CDH6: variants seen among roughly 807,000 people sequenced by gnomAD.
CDH6 encodes cadherin 6.
Under a neutral mutation model 78.0 loss-of-function variants are expected in CDH6, and 31 were observed. That is an observed-to-expected ratio of 0.40 (90% confidence interval 0.30 to 0.54). The LOEUF is 0.54. CDH6 is among the 20% of genes least tolerant of loss of function. The probability of loss-of-function intolerance (pLI) is 0.56; values close to 1 mark genes in which losing one functional copy is unlikely to be tolerated. For synonymous variants in CDH6, 376 were observed against 368.8 expected (o/e 1.02, Z -0.23); for missense variants, 724 against 975.9 (o/e 0.74, Z 3.44).
chr5:31,206,038 A>G (rs1740508097), intron 1 of CDH6, among the ~76,000 whole-genome samples: 1 of 152,166 alleles, frequency 6.6e-6, no homozygotes, highest in Non-Finnish European at 1.5e-5. Flanking sequence ...CTAAAATTCA[A>G]TCGTGGCACC....
chr5:31,198,358 G>A (rs1039048665), intron 1 of CDH6, among the ~76,000 whole-genome samples: 11 of 152,144 alleles, frequency 7.2e-5, no homozygotes, highest in Admixed American at 5.2e-4. Flanking sequence ...TTTCATTAAT[G>A]CCAGAGTGTT....
intron 1 of CDH6, among the ~76,000 whole-genome samples, chr5:31,211,042 A>C (rs189242834): frequency 2.0e-5 from 3 of 152,226 alleles, no homozygotes; most frequent in African/African-American, 7.2e-5. Context: ...TATTTGAAGG[A>C]CCTCTGTTCC....
chr5:31,309,867 TCTG>T (rs1322679212), intron 7 of CDH6, among the ~76,000 whole-genome samples: 1 of 152,100 alleles, frequency 6.6e-6, no homozygotes, highest in Non-Finnish European at 1.5e-5. Flanking sequence ...AAGGGGGAAG[TCTG>T]CCCCATGATT....
chr5:31,224,799 G>T (rs139316629), intron 1 of CDH6, among the ~76,000 whole-genome samples: 1 of 152,094 alleles, frequency 6.6e-6, no homozygotes, highest in Non-Finnish European at 1.5e-5. Context: ...CTTCCTCAGC[G>T]TCCCAAAGTG....
At position 31,329,102 on chromosome 5, in the gene CDH6, C is replaced by A; in HGVS notation, c.*5794C>A. 5.1e-6 allele frequency: 1 copy of A among 196,280 alleles called. No individual in the cohort carries two copies. Among genetic ancestry groups the A allele is most frequent in the Non-Finnish European group, 1.1e-5 (1 of 94,786 alleles). The allele number at this position is 196,280 out of a possible 1,614,324, so 12.2% of individuals were successfully genotyped here. A position where few individuals can be genotyped will look rare whatever the true frequency, so the allele number is the denominator to read the frequency against. On this transcript the variant is annotated 3_prime_UTR_variant, in exon 12 of 12. Coordinates refer to ENST00000265071, the MANE Select transcript of CDH6 (RefSeq NM_004932.4). Reference sequence around the variant, plus strand: ...GCCTTTTGCAAATCAATTTTTGTAACAAGTTATTTATATGATATTACTTAA... The same window carrying A: ...GCCTTTTGCAAATCAATTTTTGTAAAAAGTTATTTATATGATATTACTTAA...
In CDH6 at chr5:31,215,298, T is replaced by C. The variant is rs560869303; in HGVS notation, c.-129+21412T>C. Among the ~76,000 whole-genome samples, 3 of 152,308 alleles carry C rather than the reference T, an allele frequency of 2.0e-5. No individual in the cohort carries two copies. In the South Asian group the frequency reaches 6.2e-4, roughly 32 times the overall value. ...TGAAATAGTTTAAGACATTTAATTT[T>C]CTAGTTTTACTATCCACACCTTTAA... On this transcript the variant is annotated intron_variant, in intron 1 of 11. Coordinates refer to ENST00000265071, the MANE Select transcript of CDH6 (RefSeq NM_004932.4).
chr5:31,311,319 A>G (rs1738144583), intron 7 of CDH6, among the ~76,000 whole-genome samples: 1 of 152,172 alleles, frequency 6.6e-6, no homozygotes, highest in Non-Finnish European at 1.5e-5. Flanking sequence ...CCAGTTCCCA[A>G]TAAGTTCCTC....
At chr5:31,261,275 T>C (rs1742204867) in intron 1 of CDH6, among the ~76,000 whole-genome samples, 1 of 152,228 alleles carries the variant, frequency 6.6e-6, no homozygotes, top group South Asian at 2.1e-4. Flanking sequence ...AGAGTTGTAA[T>C]GCAGTAAGAG....
In CDH6 at chr5:31,327,766, GGTAATTCTCTACTAAAAATA is replaced by G. The variant is rs1466891062; in HGVS notation, c.*4459_*4478del. On this transcript the variant is annotated 3_prime_UTR_variant, in exon 12 of 12. Transcript: ENST00000265071. ...ATCTTTATGGAATAATTTTCTAAAGGGTAATTCTCTACTAAAAATATCAGACCCCGACCATATTTAATGTG... is the reference window on the plus strand; with the variant it reads ...ATCTTTATGGAATAATTTTCTAAAGGTCAGACCCCGACCATATTTAATGTG... 3 of 208,710 alleles carry G rather than the reference GGTAATTCTCTACTAAAAATA, an allele frequency of 1.4e-5. No individual in the cohort carries two copies. The highest frequency in any genetic ancestry group is 6.8e-5 in the African/African-American group (3 of 43,996). 12.9% of individuals were successfully genotyped at this position (208,710 alleles called of 1,614,324 possible).
chr5:31,195,084 T>TAA (rs542544543), intron 1 of CDH6, among the ~76,000 whole-genome samples: 15 of 144,132 alleles, frequency 1.0e-4, no homozygotes, highest in African/African-American at 2.8e-4. Flanking sequence ...CTACTCCCAT[T>TAA]AAAAAAAAAA....
Position 31,202,830 on chromosome 5 carries a change from T to C in CDH6, c.-129+8944T>C, listed in dbSNP as rs936290895. Among the ~76,000 whole-genome samples, 12 of 151,754 alleles carry C rather than the reference T, an allele frequency of 7.9e-5. No individual in the cohort carries two copies. The South Asian group carries it at 1.7e-3, about 21-fold the overall frequency. On this transcript the variant is annotated intron_variant, in intron 1 of 11. Transcript: ENST00000265071. Reference sequence around the variant, plus strand: ...ACATATATAAAACTATATGTATATATACACACACATATATATATGCAAAAT... The same window carrying C: ...ACATATATAAAACTATATGTATATACACACACACATATATATATGCAAAAT...
intron 2 of CDH6, among the ~76,000 whole-genome samples, chr5:31,282,466 C>A (rs1277844448): frequency 6.6e-6 from 1 of 152,064 alleles, no homozygotes; most frequent in Non-Finnish European, 1.5e-5. Flanking sequence ...CTCACTCCAA[C>A]TCTCCCCTCT....
intron 7 of CDH6, among the ~76,000 whole-genome samples, chr5:31,312,152 T>TTAA (rs927351010): frequency 5.3e-5 from 8 of 152,200 alleles, no homozygotes; most frequent in Non-Finnish European, 1.2e-4. Context: ...TGGACATTGT[T>TTAA]TTCTTAGACA....
At chr5:31,302,808 GA>G (rs1336115608) in intron 6 of CDH6, among the ~76,000 whole-genome samples, 2 of 108,356 alleles carry the variant, frequency 1.8e-5, no homozygotes, top group Non-Finnish European at 1.9e-5. Context: ...GAGAAAGAAA[GA>G]AAGAAAGAAA....
intron 2 of CDH6, among the ~76,000 whole-genome samples, chr5:31,285,800 AT>A (rs1411149052): frequency 6.6e-6 from 1 of 152,176 alleles, no homozygotes; most frequent in African/African-American, 2.4e-5. Context: ...CAATTGGTCC[AT>A]TTTTGTCAAC....
chr5:31,200,716 A>G (rs1396547535), intron 1 of CDH6, among the ~76,000 whole-genome samples: 1 of 150,804 alleles, frequency 6.6e-6, no homozygotes, highest in Non-Finnish European at 1.5e-5. Context: ...GAGAGAGAGG[A>G]GTGAGGGAGA....
Position 31,294,009 on chromosome 5 carries a change from T to G in CDH6, c.276T>G (p.Leu92=). 1 of 1,612,720 alleles carries G rather than the reference T, an allele frequency of 6.2e-7. No homozygotes were observed. Among genetic ancestry groups the G allele is most frequent in the Non-Finnish European group, 8.5e-7 (1 of 1,178,968 alleles). ...GAGATGGATCACTTAAATATATCCT[T>G]TCAGGAGATGGAGCAGGAGATCTCT... ...DRGDGSLKYI[L]SGDGAGDLFI... Residue 92 remains leucine, a synonymous_variant, in exon 3 of 12, where the codon CTT becomes CTG. Coordinates refer to ENST00000265071, the MANE Select transcript of CDH6 (RefSeq NM_004932.4). This position sits in a 1 kb window ranked among gnomAD's most constrained non-coding sequence, Gnocchi z 4.1.
chr5:31,205,092 C>G (rs1364772966), intron 1 of CDH6, among the ~76,000 whole-genome samples: 4 of 152,274 alleles, frequency 2.6e-5, no homozygotes, highest in East Asian at 1.9e-4. Context: ...TTTGCCAACT[C>G]AAGATGAGAG....
At chr5:31,262,178 G>A (rs905514010) in intron 1 of CDH6, among the ~76,000 whole-genome samples, 2 of 152,068 alleles carry the variant, frequency 1.3e-5, no homozygotes, top group South Asian at 2.1e-4. Context: ...CTCCAAAATG[G>A]CACGTATTAA....
Sources: gnomAD v4.1 joint callset for allele counts (sites outside exome capture counted in the v4.1 genomes callset) on GRCh38, gnomAD v4.1.1 for gene constraint, Gnocchi (gnomAD v3.1) non-coding constraint, MANE v1.5 for transcripts, NCBI Gene and HGNC (gene_info 2026-07-23, HGNC 2026-07-21) for gene names.